The following GRID2 variants were observed in gnomAD, a reference collection of about 807,000 sequenced individuals.
GRID2 encodes the protein glutamate ionotropic receptor delta type subunit 2.
A neutral mutation model predicts 114.8 loss-of-function variants in GRID2; 33 were observed. The ratio of observed to expected loss-of-function variants is 0.29; its 90% CI spans 0.22 to 0.38. GRID2 has a LOEUF of 0.38. Ranked by LOEUF, GRID2 falls within the 10% of genes least tolerant of loss-of-function variation. GRID2 has a pLI of 1.00. For missense variants in GRID2, 1,184 were observed against 1,257.7 expected, an observed-to-expected ratio of 0.94 and a Z score of 0.89; for synonymous variants, 505 against 449.9, an observed-to-expected ratio of 1.12 and a Z score of -1.55.
At chr4:92,764,470 C>A (rs901997214) in intron 2 of GRID2, among the ~76,000 whole-genome samples, 7 of 152,116 alleles carry the variant, frequency 4.6e-5, no homozygotes, top group Admixed American at 1.3e-4. Flanking sequence ...CTCTCCCCTG[C>A]CAGCTCACAG....
rs151316819 is a variant in GRID2, at chr4:93,186,229, G to A, written c.736-21175G>A. 5.3e-5 allele frequency among the ~76,000 whole-genome samples: 8 copies of A among 152,202 alleles called. No individual in the cohort carries two copies. In the East Asian group the frequency reaches 1.5e-3, roughly 29 times the overall value. ...AACATACGCATGCGTCTTTATAGTA[G>A]CATGATTTATATACTTGGGTATATA... On this transcript the variant is annotated intron_variant, in intron 4 of 15. Transcript: ENST00000282020.
chr4:92,640,366 A>G (rs1731284476), intron 2 of GRID2, among the ~76,000 whole-genome samples: 1 of 151,880 alleles, frequency 6.6e-6, no homozygotes, highest in Non-Finnish European at 1.5e-5. Context: ...TGATTGAATC[A>G]TTTTTAGATG....
At chr4:93,702,874 A>G (rs1727632865) in intron 14 of GRID2, among the ~76,000 whole-genome samples, 1 of 152,176 alleles carries the variant, frequency 6.6e-6, no homozygotes, top group Non-Finnish European at 1.5e-5. Context: ...AATACATAAT[A>G]TCTCAATTGG....
At chr4:92,321,846 A>C (rs527516925) in intron 1 of GRID2, among the ~76,000 whole-genome samples, 1 of 152,286 alleles carries the variant, frequency 6.6e-6, no homozygotes, top group African/African-American at 2.4e-5. Context: ...TATATGTTCA[A>C]ATCTTGCCTT....
At position 93,450,192 on chromosome 4, in the gene GRID2, C is replaced by A. The variant is rs1038903228; in HGVS notation, c.1546-5470C>A. Among the ~76,000 whole-genome samples the A allele has an allele frequency of 6.6e-5, 10 of 151,722 alleles. No homozygotes were observed. The South Asian group carries it at 8.3e-4, about 13-fold the overall frequency. ...TATTTTGAGGGACAGAAAATCATAT[C>A]TTTGGAAAAAGTTTGAAAGCTTGTC... is the stretch of plus-strand genomic sequence containing the variant. On this transcript the variant is annotated intron_variant, in intron 10 of 15. Transcript: ENST00000282020.
At chr4:93,603,702 C>A (rs1324382743) in intron 13 of GRID2, among the ~76,000 whole-genome samples, 1 of 152,216 alleles carries the variant, frequency 6.6e-6, no homozygotes, top group Non-Finnish European at 1.5e-5. Context: ...GGGCCTAATG[C>A]AGCTGGTGAT....
rs781285004 is a variant in GRID2, at chr4:92,536,183, TACAGAGTGCTGATTGGTCTGTTTTG to T, written c.89-53930_89-53906del. ...CCACATCCTGCTGATTGGTCCATTT[TACAGAGTGCTGATTGGTCTGTTTTG>T]ACAGAGTGCTGATTGGTGCATTTAC... On this transcript the variant is annotated intron_variant, in intron 1 of 15. Coordinates refer to ENST00000282020, the MANE Select transcript of GRID2 (RefSeq NM_001510.4). Among the ~76,000 whole-genome samples, 552 of 152,294 alleles carry T rather than the reference TACAGAGTGCTGATTGGTCTGTTTTG, an allele frequency of 3.6e-3. 1 individual carries two copies. Among genetic ancestry groups the T allele is most frequent in the Non-Finnish European group, 5.4e-3 (367 of 68,022 alleles).
At chr4:92,675,041 G>A (rs941831138) in intron 2 of GRID2, among the ~76,000 whole-genome samples, 2 of 152,110 alleles carry the variant, frequency 1.3e-5, no homozygotes, top group African/African-American at 4.8e-5. Flanking sequence ...TTGGTGAGCA[G>A]CCAGACTTAT....
intron 4 of GRID2, among the ~76,000 whole-genome samples, chr4:93,111,751 CTT>C (rs9307121): frequency 4.9e-4 from 64 of 131,362 alleles, no homozygotes; most frequent in African/African-American, 9.9e-4. Context: ...TTGTTTAATA[CTT>C]TTTTTTTTTT....
intron 2 of GRID2, among the ~76,000 whole-genome samples, chr4:92,752,609 G>T (rs929448485): frequency 6.6e-6 from 1 of 152,076 alleles, no homozygotes; most frequent in Non-Finnish European, 1.5e-5. Flanking sequence ...GATTTCAGTG[G>T]ATTTTTTATT....
At position 92,908,537 on chromosome 4, in the gene GRID2, G is replaced by A. The variant is rs551315497; in HGVS notation, c.245-176458G>A. On this transcript the variant is annotated intron_variant, in intron 2 of 15. Coordinates refer to ENST00000282020, the MANE Select transcript of GRID2 (RefSeq NM_001510.4). ...ACATCGTGCCACTGCACTCCAGTCC[G>A]GACGACAGAGCAAGACTCCATCTCA... is the stretch of plus-strand genomic sequence containing the variant. 1.3e-3 allele frequency among the ~76,000 whole-genome samples: 188 copies of A among 144,902 alleles called. 2 individuals are homozygous for A. Among genetic ancestry groups the A allele is most frequent in the Non-Finnish European group, 1.9e-3 (128 of 66,888 alleles).
chr4:93,237,225 A>G (rs1297273118), intron 7 of GRID2, among the ~76,000 whole-genome samples: 1 of 151,976 alleles, frequency 6.6e-6, no homozygotes, highest in Non-Finnish European at 1.5e-5. Context: ...CTGGCTGATT[A>G]GGGAATAATA....
chr4:92,700,804 AAC>A (rs766803259), intron 2 of GRID2, among the ~76,000 whole-genome samples: 6 of 152,110 alleles, frequency 3.9e-5, no homozygotes, highest in Non-Finnish European at 1.5e-5. Context: ...CATCCTTGTT[AAC>A]ACAGTGAAAC....
chr4:92,904,080 G>T (rs1348163262), intron 2 of GRID2, among the ~76,000 whole-genome samples: 2 of 151,754 alleles, frequency 1.3e-5, no homozygotes, highest in African/African-American at 2.4e-5. Flanking sequence ...ACCTGGAATT[G>T]TCACTAACCT....
intron 14 of GRID2, among the ~76,000 whole-genome samples, chr4:93,650,977 C>T (rs1012825615): frequency 3.3e-5 from 5 of 152,054 alleles, no homozygotes; most frequent in South Asian, 4.1e-4. Flanking sequence ...TGATCAGACT[C>T]GTCTTATTCA....
chr4:92,921,253 A>C (rs12505853), intron 2 of GRID2, among the ~76,000 whole-genome samples: 21,103 of 151,880 alleles, frequency 0.14, 1,955 homozygotes, highest in African/African-American at 0.26. Flanking sequence ...CATTTGTTTA[A>C]GTTTTTTTTA....
intron 2 of GRID2, among the ~76,000 whole-genome samples, chr4:92,916,893 G>A (rs1444798673): frequency 6.6e-6 from 1 of 152,076 alleles, no homozygotes; most frequent in African/African-American, 2.4e-5. Flanking sequence ...GGGATGGCTG[G>A]GTCAAATGGT....
chr4:93,720,910 C>A (rs1320257571), intron 14 of GRID2, among the ~76,000 whole-genome samples: 1 of 152,056 alleles, frequency 6.6e-6, no homozygotes, highest in Non-Finnish European at 1.5e-5. Context: ...GTTGTTGTTG[C>A]TGCTGCTGCT....
At chr4:92,718,427 A>G (rs906713318) in intron 2 of GRID2, among the ~76,000 whole-genome samples, 4 of 152,092 alleles carry the variant, frequency 2.6e-5, no homozygotes, top group African/African-American at 9.7e-5. Context: ...TTTTAAATAT[A>G]GTTTATTTAT....
Sources: gnomAD v4.1 joint callset for allele counts (sites outside exome capture counted in the v4.1 genomes callset) on GRCh38, gnomAD v4.1.1 for gene constraint, MANE v1.5 for transcripts, NCBI Gene and HGNC (gene_info 2026-07-23, HGNC 2026-07-21) for gene names.